Variants in COL19A1 observed in about 807,000 individuals in gnomAD.
COL19A1 encodes the protein collagen alpha-1(XIX) chain.
Under a neutral mutation model 190.2 loss-of-function variants are expected in COL19A1, and 159 were observed. That is an observed-to-expected ratio of 0.84 (90% CI 0.73 to 0.95). The LOEUF (loss-of-function observed/expected upper bound fraction) is 0.95. Ranked by LOEUF, COL19A1 falls within the 40% of genes least tolerant of loss-of-function variation. The pLI, the probability that COL19A1 is intolerant of heterozygous loss-of-function variation, is 0.00. For missense variants in COL19A1, 1,418 were observed against 1,431.9 expected (o/e 0.99, Z 0.16); for synonymous variants, 509 against 458.9 (o/e 1.11, Z -1.39).
At chr6:70,044,600 C>T (rs563267931) in intron 14 of COL19A1, among the ~76,000 whole-genome samples, 159 of 152,252 alleles carry the variant, frequency 1.0e-3, no homozygotes, top group African/African-American at 3.6e-3. Context: ...TATTGTTGTT[C>T]CTTAGGAAAT....
chr6:70,195,406 G>A (rs1459758811), intron 48 of COL19A1, among the ~76,000 whole-genome samples: 2 of 152,000 alleles, frequency 1.3e-5, no homozygotes, highest in Non-Finnish European at 2.9e-5. Context: ...TTAAGTGAGG[G>A]ACCCTTAATT....
chr6:69,916,023 G>A lies in COL19A1; in HGVS notation c.267-11886G>A, dbSNP rs1392462758. ...GCGATCTCAGCTCACTGCAAGCTCT[G>A]CCTCCCAGGTTCACGCCATTCTCCT... On this transcript the variant is annotated intron_variant, in intron 4 of 50. Coordinates refer to ENST00000620364, the MANE Select transcript of COL19A1 (RefSeq NM_001858.6). Among the ~76,000 whole-genome samples the A allele has an allele frequency of 3.4e-5, 5 of 145,122 alleles. No individual in the cohort carries two copies. In the East Asian group the frequency reaches 1.0e-3, roughly 30 times the overall value.
At chr6:69,905,670 T>C (rs1011205492) in intron 4 of COL19A1, among the ~76,000 whole-genome samples, 1 of 152,260 alleles carries the variant, frequency 6.6e-6, no homozygotes. Flanking sequence ...CTAAACTCAC[T>C]GAGTCACTCT....
At chr6:69,947,982 A>G (rs998396612) in intron 9 of COL19A1, among the ~76,000 whole-genome samples, 4 of 151,866 alleles carry the variant, frequency 2.6e-5, no homozygotes, top group African/African-American at 9.7e-5. Context: ...ACGATTCTTC[A>G]TCATAAATAA....
chr6:70,049,994 T>C (rs1780117636), intron 14 of COL19A1, among the ~76,000 whole-genome samples: 1 of 152,120 alleles, frequency 6.6e-6, no homozygotes, highest in African/African-American at 2.4e-5. Flanking sequence ...TCCAATTAAC[T>C]GATTTTAACA....
At position 69,936,880 on chromosome 6, in the gene COL19A1, TAA is replaced by T. The variant is rs1170006222; in HGVS notation, c.845_846del (p.Lys282ArgfsTer27). The T allele has an allele frequency of 6.2e-7, 1 of 1,613,000 alleles. No homozygotes were observed. Among genetic ancestry groups the T allele is most frequent in the Non-Finnish European group, 8.5e-7 (1 of 1,179,262 alleles). On this transcript the variant is annotated frameshift_variant, in exon 8 of 51. Transcript: ENST00000620364. LOFTEE classifies it high-confidence loss of function. ...SSYLPAKQEL[K>X]DQCQCIPNKG... ...CATATCTGCCAGCAAAGCAGGAACT[TAA>T]AGACCAGTGCCAGTGCATTCCAAAC...
chr6:69,896,673 G>A (rs922460139), intron 2 of COL19A1, among the ~76,000 whole-genome samples: 18 of 151,582 alleles, frequency 1.2e-4, no homozygotes, highest in African/African-American at 3.9e-4. Flanking sequence ...GGCATCTTCA[G>A]TGCTTTAATT....
rs767056576 is a variant in COL19A1, at chr6:70,121,910, A to G, written c.1309A>G (p.Thr437Ala). 1.7e-5 allele frequency: 27 copies of G among 1,587,990 alleles called. No homozygotes were observed. Among genetic ancestry groups the G allele is most frequent in the Non-Finnish European group, 2.3e-5 (27 of 1,168,934 alleles). Residue 437 changes from threonine (T) to alanine (A), a missense_variant, in exon 17 of 51, where the codon ACT becomes GCT. Thr to Ala is a moderately conservative substitution (Grantham distance 58). Transcript: ENST00000620364. Reference sequence around the variant, plus strand: ...TCCTGGAATACAAGGAATACACCAAACTCTTGGTGGATATTATAACAAGGA... The same window carrying G: ...TCCTGGAATACAAGGAATACACCAAGCTCTTGGTGGATATTATAACAAGGA... The part of the protein sequence containing the change: ...GPPGIQGIHQ[T>A]LGGYYNKDNK...
intron 49 of COL19A1, among the ~76,000 whole-genome samples, chr6:70,204,924 C>T (rs1037310714): frequency 3.3e-5 from 5 of 152,076 alleles, no homozygotes; most frequent in African/African-American, 1.2e-4. Flanking sequence ...AGGGTGGTTT[C>T]AAATGACCCT....
chr6:70,127,889 G>A (rs567295140), intron 17 of COL19A1, among the ~76,000 whole-genome samples: 7 of 152,264 alleles, frequency 4.6e-5, no homozygotes, highest in African/African-American at 7.2e-5. Context: ...GGACACAGCC[G>A]AATCAAGTGG....
intron 16 of COL19A1, among the ~76,000 whole-genome samples, chr6:70,106,329 C>CGTGTGTGT (rs55854953): frequency 2.7e-5 from 4 of 149,348 alleles, no homozygotes; most frequent in Admixed American, 1.3e-4. Context: ...TAAGTGTGTG[C>CGTGTGTGT]GTGTGTGTGT....
intron 5 of COL19A1, 122 bp downstream of exon 5, chr6:69,928,154 G>C (rs1052773802): frequency 7.9e-6 from 10 of 1,272,746 alleles, no homozygotes; most frequent in Non-Finnish European, 1.1e-5. Context: ...TCCTTTAGAG[G>C]GATCATCAAC....
chr6:70,030,414 C>T (rs1156404), intron 12 of COL19A1, among the ~76,000 whole-genome samples: 61,668 of 151,966 alleles, frequency 0.41, 14,328 homozygotes, highest in East Asian at 0.83. Flanking sequence ...AGAACTAAGA[C>T]GTCATCCTCC....
chr6:70,162,801 A>G (rs1402503001), intron 35 of COL19A1, among the ~76,000 whole-genome samples: 1 of 152,238 alleles, frequency 6.6e-6, no homozygotes, highest in Non-Finnish European at 1.5e-5. Context: ...CGCCACAGTT[A>G]TACAGAACAA....
At chr6:70,111,332 T>C (rs1314056128) in intron 16 of COL19A1, among the ~76,000 whole-genome samples, 1 of 152,090 alleles carries the variant, frequency 6.6e-6, no homozygotes, top group African/African-American at 2.4e-5. Flanking sequence ...AAGCAACAAG[T>C]TTTCAGCATT....
intron 5 of COL19A1, among the ~76,000 whole-genome samples, chr6:69,928,753 G>T (rs796230411): frequency 4.6e-5 from 7 of 152,278 alleles, no homozygotes; most frequent in African/African-American, 1.4e-4. Flanking sequence ...AAGAAGGAAT[G>T]CTGGCACTCC....
intron 5 of COL19A1, among the ~76,000 whole-genome samples, 181 bp downstream of exon 5, chr6:69,928,213 T>A (rs937216674): frequency 6.6e-6 from 1 of 152,180 alleles, no homozygotes; most frequent in East Asian, 1.9e-4. Flanking sequence ...CTGAGATCCA[T>A]AATATGAGAG....
intron 14 of COL19A1, among the ~76,000 whole-genome samples, chr6:70,044,846 T>C (rs1340256776): frequency 2.0e-5 from 3 of 152,236 alleles, no homozygotes; most frequent in African/African-American, 7.2e-5. Context: ...TTTGTTAATT[T>C]CCATTCTGCT....
intron 11 of COL19A1, among the ~76,000 whole-genome samples, chr6:69,984,750 A>G (rs1776224213): frequency 6.6e-6 from 1 of 152,142 alleles, no homozygotes; most frequent in Non-Finnish European, 1.5e-5. Context: ...TTCACTTTAT[A>G]CTTTAATGAC....
Sources: gnomAD v4.1 joint callset for allele counts (sites outside exome capture counted in the v4.1 genomes callset) on GRCh38, gnomAD v4.1.1 for gene constraint, MANE v1.5 for transcripts, NCBI Gene and HGNC (gene_info 2026-07-23, HGNC 2026-07-21) for gene names.